The following PTPRM variants were observed in gnomAD, a reference collection of about 807,000 sequenced individuals.
PTPRM encodes receptor-type tyrosine-protein phosphatase mu.
In PTPRM, 47 loss-of-function variants were observed where a neutral mutation model predicts 186.7. The observed-to-expected ratio is 0.25, with a 90% CI of 0.20 to 0.32. PTPRM has a LOEUF of 0.32. Ranked by LOEUF, PTPRM falls within the 10% of genes least tolerant of loss-of-function variation. The probability of loss-of-function intolerance (pLI) is 1.00; values close to 1 mark genes in which losing one functional copy is unlikely to be tolerated. For synonymous variants in PTPRM, 668 were observed against 674.9 expected (o/e 0.99, Z 0.16); for missense variants, 1,494 against 1,865.0 (o/e 0.80, Z 3.66).
chr18:8,064,218 G>A (rs1391178003), intron 7 of PTPRM, among the ~76,000 whole-genome samples: 1 of 152,144 alleles, frequency 6.6e-6, no homozygotes, highest in African/African-American at 2.4e-5. Flanking sequence ...TGGGGCAGTA[G>A]TTTACTTACC....
rs1259264735 is a variant in PTPRM, at chr18:8,035,644, G to GA, written c.1133-34042_1133-34041insA. ...CAGATGCAGAAATTGCAGATACGGA[G>GA]GGCTGACTGTACCTATAAAAAGAGG... On this transcript the variant is annotated intron_variant, in intron 7 of 32. Coordinates refer to ENST00000580170, the MANE Select transcript of PTPRM (RefSeq NM_001105244.2). 2.0e-3 allele frequency among the ~76,000 whole-genome samples: 309 copies of GA among 152,226 alleles called. 4 individuals carry two copies. The highest frequency in any genetic ancestry group is 7.1e-3 in the African/African-American group (295 of 41,542).
chr18:7,832,679 C>T (rs1312873163), intron 2 of PTPRM, among the ~76,000 whole-genome samples: 1 of 152,074 alleles, frequency 6.6e-6, no homozygotes, highest in African/African-American at 2.4e-5. Flanking sequence ...GGTATTACTC[C>T]AGAAATATTT....
At chr18:7,834,466 T>C (rs1380604732) in intron 2 of PTPRM, among the ~76,000 whole-genome samples, 1 of 42,714 alleles carries the variant, frequency 2.3e-5, no homozygotes, top group African/African-American at 9.1e-5. Context: ...TATGTATATA[T>C]AAAATACAGG....
At chr18:7,999,634 A>G (rs1228174493) in intron 7 of PTPRM, among the ~76,000 whole-genome samples, 2 of 151,766 alleles carry the variant, frequency 1.3e-5, no homozygotes, top group African/African-American at 2.4e-5. Flanking sequence ...TGCAAAATTG[A>G]CAATGGCAAA....
intron 14 of PTPRM, among the ~76,000 whole-genome samples, chr18:8,191,355 G>T (rs1003136586): frequency 6.6e-6 from 1 of 152,178 alleles, no homozygotes; most frequent in African/African-American, 2.4e-5. Context: ...CGGCTACAGA[G>T]GAGGTGGGAA....
chr18:8,092,070 T>A (rs523280), intron 11 of PTPRM, among the ~76,000 whole-genome samples: 64,190 of 151,760 alleles, frequency 0.42, 14,867 homozygotes, highest in Non-Finnish European at 0.53. Flanking sequence ...ATTTTTTTTT[T>A]AATCCGTATT....
At chr18:8,012,090 C>T (rs2084566949) in intron 7 of PTPRM, among the ~76,000 whole-genome samples, 1 of 152,172 alleles carries the variant, frequency 6.6e-6, no homozygotes, top group South Asian at 2.1e-4. Context: ...GGTCACGGTT[C>T]TGCAAGTTGG....
chr18:8,270,906 G>A (rs915136866), intron 19 of PTPRM, among the ~76,000 whole-genome samples: 10 of 151,872 alleles, frequency 6.6e-5, no homozygotes, highest in African/African-American at 1.7e-4. Flanking sequence ...AAGAAGTTCC[G>A]GGAAACTAAT....
In PTPRM at chr18:7,936,461, G is replaced by A. The variant is rs561731002; in HGVS notation, c.663+9778G>A. Among the ~76,000 whole-genome samples the A allele has an allele frequency of 2.6e-5, 4 of 152,302 alleles. No homozygotes were observed. The South Asian group carries it at 6.2e-4, about 24-fold the overall frequency. On this transcript the variant is annotated intron_variant, in intron 5 of 32. Transcript: ENST00000580170. The stretch of plus-strand genomic sequence containing the variant: ...CCAGGTGCTGTCGCAACCCAGCCAG[G>A]TGTGTGTGCACCCAGGGCAGCACTT...
At position 7,942,021 on chromosome 18, in the gene PTPRM, C is replaced by T. The variant is rs2052208939; in HGVS notation, c.664-7160C>T. On this transcript the variant is annotated intron_variant, in intron 5 of 32. Transcript: ENST00000580170. ...TTTAATATGGCTGGGTGCGATGGCTCACACCTGTAATCCCAGCACTTTAGG... is the reference window on the plus strand; with the variant it reads ...TTTAATATGGCTGGGTGCGATGGCTTACACCTGTAATCCCAGCACTTTAGG... 2.0e-5 allele frequency among the ~76,000 whole-genome samples: 3 copies of T among 152,150 alleles called. No homozygotes were observed. The South Asian group carries it at 6.2e-4, about 32-fold the overall frequency.
intron 11 of PTPRM, among the ~76,000 whole-genome samples, chr18:8,091,331 AG>A (rs1234435878): frequency 1.3e-5 from 2 of 152,182 alleles, no homozygotes; most frequent in Non-Finnish European, 2.9e-5. Flanking sequence ...TGAATTTGCC[AG>A]GGGCACTTTG....
At chr18:8,231,986 G>A (rs748500911) in intron 14 of PTPRM, among the ~76,000 whole-genome samples, 1 of 152,120 alleles carries the variant, frequency 6.6e-6, no homozygotes, top group Admixed American at 6.5e-5. Context: ...CTATGGGTTT[G>A]ACAACTCTAT....
chr18:8,126,019 A>ATTTTT lies in PTPRM; in HGVS notation c.2167+11193_2167+11194insTTTTT, dbSNP rs1446326423. 3.1e-3 allele frequency among the ~76,000 whole-genome samples: 98 copies of ATTTTT among 31,862 alleles called. 3 individuals are homozygous for ATTTTT. The highest frequency in any genetic ancestry group is 5.4e-3 in the Non-Finnish European group (65 of 12,042). 20.9% of individuals were successfully genotyped at this position (31,862 alleles called of 152,430 possible). On this transcript the variant is annotated intron_variant, in intron 13 of 32. Transcript: ENST00000580170. ...TATATATATATATATATATATATATATATATATATTTTAAATCAGTAGACC... is the reference window on the plus strand; with the variant it reads ...TATATATATATATATATATATATATATTTTTTATATATATTTTAAATCAGTAGACC...
chr18:8,088,590 A>T (rs981394884), intron 10 of PTPRM, among the ~76,000 whole-genome samples, 159 bp from the exon 11 acceptor site: 3 of 152,188 alleles, frequency 2.0e-5, no homozygotes, highest in Non-Finnish European at 4.4e-5. Context: ...CTGTGATTCT[A>T]TGTAGGGAAT....
intron 14 of PTPRM, among the ~76,000 whole-genome samples, chr18:8,232,165 T>C (rs1029551155): frequency 6.6e-6 from 1 of 152,216 alleles, no homozygotes; most frequent in Non-Finnish European, 1.5e-5. Flanking sequence ...GTTGGAATAA[T>C]AAAATATTAG....
chr18:8,376,038 T>C lies in PTPRM; in HGVS notation c.3172-8T>C, dbSNP rs1299146683. ...CTCTTCCTTGTTCTGGCTAACCAACTACTGCAGAGAGGTGTGCATGAAATC... is the reference window on the plus strand; with the variant it reads ...CTCTTCCTTGTTCTGGCTAACCAACCACTGCAGAGAGGTGTGCATGAAATC... On this transcript the variant is annotated splice_region_variant and splice_polypyrimidine_tract_variant and intron_variant, in intron 24 of 32. Coordinates refer to ENST00000580170, the MANE Select transcript of PTPRM (RefSeq NM_001105244.2). The C allele has an allele frequency of 6.2e-7, 1 of 1,601,172 alleles. No homozygotes were observed. Among genetic ancestry groups the C allele is most frequent in the Non-Finnish European group, 8.6e-7 (1 of 1,169,184 alleles).
At chr18:7,920,843 A>G (rs545430381) in intron 4 of PTPRM, among the ~76,000 whole-genome samples, 1 of 151,560 alleles carries the variant, frequency 6.6e-6, no homozygotes, top group Admixed American at 6.6e-5. Flanking sequence ...TCTGACCTTT[A>G]TTTTTCTGTG....
chr18:8,295,241 CAG>C (rs1427440322), intron 19 of PTPRM, among the ~76,000 whole-genome samples: 1 of 152,118 alleles, frequency 6.6e-6, no homozygotes, highest in East Asian at 1.9e-4. Context: ...TGCTAAGCAA[CAG>C]TTTACCTCAT....
chr18:8,215,360 C>T (rs2094066014), intron 14 of PTPRM, among the ~76,000 whole-genome samples: 1 of 151,888 alleles, frequency 6.6e-6, no homozygotes, highest in South Asian at 2.1e-4. Context: ...TCCAAAATTT[C>T]ATGAAGATAC....
Sources: allele counts gnomAD v4.1 joint callset (sites outside exome capture counted in the v4.1 genomes callset), GRCh38; gene constraint gnomAD v4.1.1; transcripts MANE v1.5; gene names NCBI Gene and HGNC (gene_info 2026-07-23, HGNC 2026-07-21).